Variants in GRIA2 observed in about 807,000 individuals in gnomAD.
GRIA2 encodes the protein glutamate receptor 2.
A neutral mutation model predicts 97.3 loss-of-function variants in GRIA2; 14 were observed. The observed-to-expected ratio is 0.14, with a 90% CI of 0.10 to 0.23. The LOEUF is 0.23. GRIA2 is among the 10% of genes least tolerant of loss of function. GRIA2 has a pLI of 1.00. For missense variants in GRIA2, 558 were observed against 1,069.8 expected, an observed-to-expected ratio of 0.52 and a Z score of 6.67; for synonymous variants, 412 against 387.8, an observed-to-expected ratio of 1.06 and a Z score of -0.73.
Position 157,334,103 on chromosome 4 carries a change from G to C in GRIA2, c.1249G>C (p.Val417Leu). The change falls in exon 9 of 16, where the codon GTT (valine) becomes CTT (leucine). Residue 417 changes from valine to leucine, a missense_variant. Val to Leu is a conservative substitution (Grantham distance 32). Coordinates refer to ENST00000264426, the MANE Select transcript of GRIA2 (RefSeq NM_001083619.3). ...CTCTGGGCTTGAGAATAAGACTGTT[G>C]TTGTCACCACAATTTTGGTAATTTG... The part of the protein sequence containing the change: ...DTSGLENKTV[V>L]VTTILESPYV... The C allele has an allele frequency of 6.3e-7, 1 of 1,591,082 alleles. No homozygotes were observed. Among genetic ancestry groups the C allele is most frequent in the African/African-American group, 1.3e-5 (1 of 74,414 alleles).
At chr4:157,263,229 C>A (rs777448132) in intron 2 of GRIA2, among the ~76,000 whole-genome samples, 67 of 151,924 alleles carry the variant, frequency 4.4e-4, no homozygotes, top group Non-Finnish European at 8.1e-4. Flanking sequence ...CTTTTTTATT[C>A]CTGTTTTCTT....
At chr4:157,269,995 C>T (rs73856858) in intron 2 of GRIA2, among the ~76,000 whole-genome samples, 2 of 152,158 alleles carry the variant, frequency 1.3e-5, no homozygotes, top group African/African-American at 4.8e-5. Context: ...TAACTGCCTT[C>T]TATTAATATC....
intron 14 of GRIA2, 123 bp from the exon 15 acceptor site, chr4:157,362,676 T>G: frequency 1.2e-6 from 1 of 809,674 alleles, no homozygotes; most frequent in Non-Finnish European, 2.0e-6. Flanking sequence ...ATCCATTGTT[T>G]CTCAAATTCA....
chr4:157,277,777 T>A (rs1732391674), intron 2 of GRIA2, among the ~76,000 whole-genome samples: 1 of 147,484 alleles, frequency 6.8e-6, no homozygotes, highest in Non-Finnish European at 1.5e-5. Context: ...CCCCACGAAA[T>A]GAAATACTAA....
chr4:157,263,718 T>G (rs1177414013), intron 2 of GRIA2, among the ~76,000 whole-genome samples: 1 of 150,792 alleles, frequency 6.6e-6, no homozygotes, highest in Non-Finnish European at 1.5e-5. Context: ...GTTTAAAAAA[T>G]ATCTACACAG....
rs145480393 is a variant in GRIA2 at position 157,312,954 on chromosome 4, TA to T, written c.666+81del. On this transcript the variant is annotated intron_variant, in intron 4 of 15. Coordinates refer to ENST00000264426, the MANE Select transcript of GRIA2 (RefSeq NM_001083619.3). ...TCAGCATTTGCAATGTGTATTTGTG[TA>T]AGGTGCTTGAACAGCAGTTTTTGCT... 2.9e-4 allele frequency: 246 copies of T among 840,960 alleles called. 3 individuals are homozygous for T. In the East Asian group the frequency reaches 6.5e-3, roughly 22 times the overall value. 52.1% of individuals were successfully genotyped at this position (840,960 alleles called of 1,614,324 possible). A position where few individuals can be genotyped will look rare whatever the true frequency, so the allele number is the denominator to read the frequency against.
In GRIA2 at chr4:157,321,514, A is replaced by G; in HGVS notation, c.797A>G (p.Asp266Gly). 2 of 1,606,912 alleles carry G rather than the reference A, an allele frequency of 1.2e-6. No homozygotes were observed. Among genetic ancestry groups the G allele is most frequent in the Non-Finnish European group, 1.7e-6 (2 of 1,173,508 alleles). Residue 266 changes from aspartate to glycine, a missense_variant, in exon 6 of 16, where the codon GAT becomes GGT. Physicochemically the swap from Asp to Gly is moderately conservative, Grantham distance 94 (BLOSUM62 -1). Around this residue, in one of 8 missense-constraint regions of GRIA2, gnomAD observed 173 missense variants for 209.1 expected, o/e 0.83. Coordinates refer to ENST00000264426, the MANE Select transcript of GRIA2 (RefSeq NM_001083619.3). ...NVSGFQIVDY[D>G]DSLVSKFIER... is the part of the protein sequence containing the mutation. ...TCTGGATTTCAGATAGTGGACTATG[A>G]TGATTCGTTGGTATCTAAATTTATA...
At chr4:157,312,056 G>T (rs1426210233) in intron 3 of GRIA2, among the ~76,000 whole-genome samples, 1 of 151,882 alleles carries the variant, frequency 6.6e-6, no homozygotes. Flanking sequence ...CTGGTTAATA[G>T]GTGACCACTT....
chr4:157,286,550 TATC>T (rs1488590196), intron 2 of GRIA2, among the ~76,000 whole-genome samples: 21 of 151,670 alleles, frequency 1.4e-4, no homozygotes, highest in Non-Finnish European at 2.2e-4. Flanking sequence ...ATCTTTATAA[TATC>T]ATCTTTCTAT....
At chr4:157,272,396 T>G (rs548680109) in intron 2 of GRIA2, among the ~76,000 whole-genome samples, 1 of 152,006 alleles carries the variant, frequency 6.6e-6, no homozygotes, top group Admixed American at 6.5e-5. Flanking sequence ...GGCAGATACA[T>G]CAGAGAATCC....
intron 12 of GRIA2, among the ~76,000 whole-genome samples, chr4:157,355,592 T>TTA (rs1326378955): frequency 1.4e-5 from 1 of 69,276 alleles, no homozygotes; most frequent in Non-Finnish European, 2.7e-5. Context: ...ATATATTTAT[T>TTA]TATATATATA....
chr4:157,365,014 A>G lies in GRIA2; in HGVS notation c.*1583A>G, dbSNP rs757855858. ...GCCCCCCAAGTTTAATTAATTTAGGATTTTGAATGATTATTGACATCCAAT... is the reference window on the plus strand; with the variant it reads ...GCCCCCCAAGTTTAATTAATTTAGGGTTTTGAATGATTATTGACATCCAAT... On this transcript the variant is annotated 3_prime_UTR_variant, in exon 16 of 16. Coordinates refer to ENST00000264426, the MANE Select transcript of GRIA2 (RefSeq NM_001083619.3). The G allele has an allele frequency of 6.6e-6, 1 of 151,620 alleles. No individual in the cohort carries two copies. The highest frequency in any genetic ancestry group is 1.5e-5 in the Non-Finnish European group (1 of 67,698). 9.4% of individuals were successfully genotyped at this position (151,620 alleles called of 1,614,324 possible). A position where few individuals can be genotyped will look rare whatever the true frequency, so the allele number is the denominator to read the frequency against.
intron 2 of GRIA2, among the ~76,000 whole-genome samples, chr4:157,275,320 C>T (rs1732242521): frequency 6.6e-6 from 1 of 152,150 alleles, no homozygotes; most frequent in African/African-American, 2.4e-5. Flanking sequence ...CTGTAGGCTG[C>T]CTGTTCACCG....
chr4:157,349,942 T>A (rs1239531733), intron 12 of GRIA2, among the ~76,000 whole-genome samples: 2 of 152,146 alleles, frequency 1.3e-5, no homozygotes, highest in Non-Finnish European at 2.9e-5. Context: ...AGAAGTTAGA[T>A]TACAAATTAG....
intron 2 of GRIA2, among the ~76,000 whole-genome samples, chr4:157,263,410 G>A (rs972783572): frequency 1.6e-4 from 25 of 151,868 alleles, no homozygotes; most frequent in Non-Finnish European, 3.2e-4. Flanking sequence ...AGTGGCTCAG[G>A]ATTTTAAAAG....
chr4:157,303,900 C>T lies in GRIA2; in HGVS notation c.469+109C>T, dbSNP rs1733726834. On this transcript the variant is annotated intron_variant, in intron 3 of 15. Coordinates refer to ENST00000264426, the MANE Select transcript of GRIA2 (RefSeq NM_001083619.3). ...AAGGTGTGATAAAGCCCAAGGATCC[C>T]TTGGTTTAATTTTGCTGTGATAATG... 6.9e-6 allele frequency: 8 copies of T among 1,165,754 alleles called. No homozygotes were observed. In the Admixed American group the frequency reaches 1.0e-4, roughly 15 times the overall value. 72.2% of individuals were successfully genotyped at this position (1,165,754 alleles called of 1,614,324 possible).
intron 2 of GRIA2, among the ~76,000 whole-genome samples, chr4:157,289,711 G>C (rs1161644372): frequency 2.0e-5 from 3 of 151,600 alleles, no homozygotes; most frequent in African/African-American, 7.3e-5. Flanking sequence ...TGTCTTATTT[G>C]GATGCATATC....
chr4:157,351,823 A>C (rs1252787369), intron 12 of GRIA2, among the ~76,000 whole-genome samples: 1 of 152,188 alleles, frequency 6.6e-6, no homozygotes, highest in Non-Finnish European at 1.5e-5. Context: ...CTTGTGAAGA[A>C]GGTGCCTTGC....
rs770475320 is a variant in GRIA2, at chr4:157,335,679, G to A, written c.1275G>A (p.Pro425=). Residue 425 remains proline (P), a synonymous_variant, in exon 10 of 16, where the codon CCG becomes CCA. Coordinates refer to ENST00000264426, the MANE Select transcript of GRIA2 (RefSeq NM_001083619.3). ...AAAGTCTTTTCATATAGGAATCTCCGTATGTTATGATGAAGAAAAATCATG... is the reference window on the plus strand; with the variant it reads ...AAAGTCTTTTCATATAGGAATCTCCATATGTTATGATGAAGAAAAATCATG... ...TVVVTTILES[P]YVMMKKNHEM... The A allele has an allele frequency of 3.8e-5, 61 of 1,595,574 alleles. No individual in the cohort carries two copies. The highest frequency in any genetic ancestry group is 3.1e-4 in the East Asian group (14 of 44,746).
Sources: allele counts gnomAD v4.1 joint callset (sites outside exome capture counted in the v4.1 genomes callset), GRCh38; gene constraint gnomAD v4.1.1; regional missense constraint gnomAD v4.1.1; transcripts MANE v1.5; gene names NCBI Gene and HGNC (gene_info 2026-07-23, HGNC 2026-07-21).